The following SDCCAG8 variants were observed in gnomAD, a reference collection of about 807,000 sequenced individuals.
The protein encoded by SDCCAG8 is serologically defined colon cancer antigen 8.
A neutral mutation model predicts 101.8 loss-of-function variants in SDCCAG8; 74 were observed. The observed-to-expected ratio is 0.73, with a 90% CI of 0.60 to 0.88. The LOEUF (loss-of-function observed/expected upper bound fraction) is 0.88. Ranked by LOEUF, SDCCAG8 falls within the 40% of genes least tolerant of loss-of-function variation. SDCCAG8 has a pLI of 0.00. For missense variants in SDCCAG8, 787 were observed against 822.6 expected (o/e 0.96, Z 0.53); for synonymous variants, 281 against 292.9 (o/e 0.96, Z 0.41).
At chr1:243,489,872 G>A (rs1665956265) in intron 17 of SDCCAG8, among the ~76,000 whole-genome samples, 1 of 152,196 alleles carries the variant, frequency 6.6e-6, no homozygotes, top group South Asian at 2.1e-4. Context: ...AGGAAGGAAA[G>A]TGTCCCGGTG....
At chr1:243,274,782 G>T (rs1373139530) in intron 4 of SDCCAG8, 126 bp downstream of exon 4, 1 of 620,106 alleles carries the variant, frequency 1.6e-6, no homozygotes, top group Non-Finnish European at 2.9e-6. Flanking sequence ...CTATTCTTAC[G>T]TGATTGAGAG....
At chr1:243,432,081 A>G (rs1184764325) in intron 16 of SDCCAG8, among the ~76,000 whole-genome samples, 1 of 152,242 alleles carries the variant, frequency 6.6e-6, no homozygotes, top group Non-Finnish European at 1.5e-5. Flanking sequence ...CAATGTTAAA[A>G]ATACAAATTA....
intron 17 of SDCCAG8, among the ~76,000 whole-genome samples, chr1:243,493,885 A>T (rs1166203076): frequency 6.6e-6 from 1 of 151,868 alleles, no homozygotes; most frequent in East Asian, 1.9e-4. Flanking sequence ...CTGGAAGCAA[A>T]GGGAGAAGGG....
At chr1:243,469,830 G>GTTTTTTTTT (rs746906257) in intron 16 of SDCCAG8, among the ~76,000 whole-genome samples, 6 of 123,522 alleles carry the variant, frequency 4.9e-5, no homozygotes, top group Admixed American at 8.1e-5. Flanking sequence ...GAAAGTGTTG[G>GTTTTTTTTT]TTTTTTTTTT....
At chr1:243,435,740 G>A (rs929186984) in intron 16 of SDCCAG8, among the ~76,000 whole-genome samples, 1 of 150,606 alleles carries the variant, frequency 6.6e-6, no homozygotes, top group East Asian at 1.9e-4. Flanking sequence ...ACATGTGAAT[G>A]TGTGTGTGTG....
At chr1:243,410,395 C>T (rs1427954875) in intron 13 of SDCCAG8, among the ~76,000 whole-genome samples, 1 of 152,204 alleles carries the variant, frequency 6.6e-6, no homozygotes, top group Non-Finnish European at 1.5e-5. Context: ...CCCCTTCTGT[C>T]TGTATTCCTT....
chr1:243,361,305 C>T (rs1319020611), intron 12 of SDCCAG8, among the ~76,000 whole-genome samples: 3 of 152,180 alleles, frequency 2.0e-5, no homozygotes, highest in Non-Finnish European at 2.9e-5. Context: ...AACCAGTTTC[C>T]GAGTACTCCT....
chr1:243,416,811 A>G lies in SDCCAG8; in HGVS notation c.1744+982A>G, dbSNP rs555414426. ...CACACTGATTGTACTATTAAAACAA[A>G]AGTTTAATTGATCCTGTCTCTTCCA... On this transcript the variant is annotated intron_variant, in intron 14 of 17. Transcript: ENST00000366541. This position sits in a 1 kb window ranked among gnomAD's most constrained non-coding sequence, Gnocchi z 4.3. 9.8e-5 allele frequency among the ~76,000 whole-genome samples: 15 copies of G among 152,346 alleles called. No homozygotes were observed. The highest frequency in any genetic ancestry group is 2.1e-4 in the South Asian group (1 of 4,830).
At chr1:243,466,881 A>C (rs1350436168) in intron 16 of SDCCAG8, among the ~76,000 whole-genome samples, 1 of 152,254 alleles carries the variant, frequency 6.6e-6, no homozygotes, top group African/African-American at 2.4e-5. Context: ...CAGCCTATTA[A>C]ATTAATGAGA....
chr1:243,308,602 AC>A (rs2149320308), intron 8 of SDCCAG8, among the ~76,000 whole-genome samples: 1 of 152,354 alleles, frequency 6.6e-6, no homozygotes, highest in South Asian at 2.1e-4. Flanking sequence ...ATGAGTTATT[AC>A]CACATCTTCA....
chr1:243,340,961 C>T lies in SDCCAG8; in HGVS notation c.1222-78C>T, dbSNP rs77723283. The T allele has an allele frequency of 3.3e-4, 476 of 1,421,210 alleles. 3 individuals carry two copies. In the African/African-American group the frequency reaches 5.8e-3, roughly 17 times the overall value. 88.0% of individuals were successfully genotyped at this position (1,421,210 alleles called of 1,614,324 possible). ...ACAGAGCCCAGTGACTATGCTGAGA[C>T]GCTATTAATTCAAGAAAGTTTTAGT... On this transcript the variant is annotated intron_variant, in intron 10 of 17. Coordinates refer to ENST00000366541, the MANE Select transcript of SDCCAG8 (RefSeq NM_006642.5).
chr1:243,287,351 C>G (rs1162440104), intron 5 of SDCCAG8, among the ~76,000 whole-genome samples: 1 of 151,306 alleles, frequency 6.6e-6, no homozygotes. Context: ...AGTAAATCAG[C>G]TGTTAAGAAA....
At chr1:243,483,525 T>C (rs1664196768) in intron 16 of SDCCAG8, among the ~76,000 whole-genome samples, 1 of 152,154 alleles carries the variant, frequency 6.6e-6, no homozygotes, top group South Asian at 2.1e-4. Flanking sequence ...TCTCCTCCAG[T>C]GCCTCCTCCC....
chr1:243,487,302 A>C (rs1409334049), intron 16 of SDCCAG8, among the ~76,000 whole-genome samples: 1 of 152,164 alleles, frequency 6.6e-6, no homozygotes, highest in Non-Finnish European at 1.5e-5. Flanking sequence ...AGCTTCTGTG[A>C]TCCACTGGGT....
chr1:243,495,276 C>T (rs889339068), intron 17 of SDCCAG8, among the ~76,000 whole-genome samples: 3 of 152,206 alleles, frequency 2.0e-5, no homozygotes, highest in East Asian at 1.9e-4. Context: ...AAGTCCAGCT[C>T]GAGATGCTGT....
intron 15 of SDCCAG8, among the ~76,000 whole-genome samples, chr1:243,425,134 T>A (rs1159856153): frequency 6.6e-6 from 1 of 152,154 alleles, no homozygotes; most frequent in East Asian, 1.9e-4. Context: ...GATTGAGCAC[T>A]TGATCTGAAC....
intron 13 of SDCCAG8, among the ~76,000 whole-genome samples, chr1:243,388,478 G>A (rs770559279): frequency 2.0e-5 from 3 of 152,114 alleles, no homozygotes; most frequent in Non-Finnish European, 4.4e-5. Flanking sequence ...TAAGTAAGGG[G>A]AAGTGCTCTT....
chr1:243,344,855 G>A (rs891821342), intron 12 of SDCCAG8, among the ~76,000 whole-genome samples: 3 of 152,122 alleles, frequency 2.0e-5, no homozygotes, highest in Admixed American at 6.5e-5. Flanking sequence ...TAAAAGCTGC[G>A]TACTTTAATT....
chr1:243,288,304 T>G (rs2069835044), intron 5 of SDCCAG8, among the ~76,000 whole-genome samples: 2 of 151,602 alleles, frequency 1.3e-5, no homozygotes, highest in African/African-American at 4.9e-5. Context: ...AGACCCCATC[T>G]CTCTAAAAAT....
Sources: allele counts gnomAD v4.1 joint callset (sites outside exome capture counted in the v4.1 genomes callset), GRCh38; gene constraint gnomAD v4.1.1; non-coding constraint Gnocchi (gnomAD v3.1); transcripts MANE v1.5; gene names NCBI Gene and HGNC (gene_info 2026-07-23, HGNC 2026-07-21).